IL17RD: variants seen among roughly 807,000 people sequenced by gnomAD.
The protein encoded by IL17RD is interleukin 17 receptor D.
Under a neutral mutation model 80.5 loss-of-function variants are expected in IL17RD, and 52 were observed. That is an observed-to-expected ratio of 0.65 (90% CI 0.52 to 0.81). IL17RD has a LOEUF of 0.81. Ranked by LOEUF, IL17RD falls within the 40% of genes least tolerant of loss-of-function variation. The pLI is 0.00. For missense variants in IL17RD, 1,024 were observed against 955.1 expected, an observed-to-expected ratio of 1.07 and a Z score of -0.95; for synonymous variants, 416 against 391.8, an observed-to-expected ratio of 1.06 and a Z score of -0.73.
chr3:57,098,621 G>C (rs1473023065), intron 11 of IL17RD, 83 bp from the exon 12 acceptor site: 1 of 900,332 alleles, frequency 1.1e-6, no homozygotes, highest in African/African-American at 1.7e-5. Flanking sequence ...GGAAATGTCA[G>C]AAGGAGGCCA....
At chr3:57,159,123 CTTT>C (rs34297266) in intron 1 of IL17RD, among the ~76,000 whole-genome samples, 1 of 144,288 alleles carries the variant, frequency 6.9e-6, no homozygotes, top group Non-Finnish European at 1.5e-5. Context: ...GATATCTCTT[CTTT>C]TTTTTTTTTT....
At position 57,097,953 on chromosome 3, in the gene IL17RD, A is replaced by G. The variant is rs772938669; in HGVS notation, c.1750T>C (p.Ser584Pro). Residue 584 changes from serine (S) to proline (P), a missense_variant, in exon 12 of 13, where the codon TCG becomes CCG. By Grantham distance (74) the Ser-to-Pro change is moderately conservative. Transcript: ENST00000296318. Reference protein sequence around the residue: ...YREPVLEKFDSGLVLNDVMCK... With the variant: ...YREPVLEKFDPGLVLNDVMCK... ...ATGACATCATTTAAAACCAAGCCCGAATCAAATTTCTCCAAGACTGGCTCC... is the reference window on the plus strand; with the variant it reads ...ATGACATCATTTAAAACCAAGCCCGGATCAAATTTCTCCAAGACTGGCTCC... 1 of 1,613,868 alleles carries G rather than the reference A, an allele frequency of 6.2e-7. No individual in the cohort carries two copies. The highest frequency in any genetic ancestry group is 1.3e-5 in the African/African-American group (1 of 74,908).
intron 1 of IL17RD, among the ~76,000 whole-genome samples, chr3:57,139,799 G>C (rs1293324344): frequency 6.6e-6 from 1 of 152,146 alleles, no homozygotes; most frequent in East Asian, 1.9e-4. Context: ...TTACAGGTGT[G>C]AGCCACCTCG....
At chr3:57,101,910 C>T (rs1164876674) in intron 10 of IL17RD, among the ~76,000 whole-genome samples, 2 of 152,132 alleles carry the variant, frequency 1.3e-5, no homozygotes, top group Non-Finnish European at 2.9e-5. Flanking sequence ...TACCTATATC[C>T]TTACTTATAC....
rs1707047671 is a variant in IL17RD at position 57,109,588 on chromosome 3, G to A, written c.499C>T (p.Pro167Ser). 6.2e-7 allele frequency: 1 copy of A among 1,613,564 alleles called. No individual in the cohort carries two copies. Among genetic ancestry groups the A allele is most frequent in the South Asian group, 1.1e-5 (1 of 91,068 alleles). ...TDYFVKVVPF[P>S]SIKNESNYHP... is the part of the protein sequence containing the mutation. ...TAATTGCTTTCGTTTTTAATGGAAGGAAAAGGGACAACCTTTACGAAATAA... is the reference window on the plus strand; with the variant it reads ...TAATTGCTTTCGTTTTTAATGGAAGAAAAAGGGACAACCTTTACGAAATAA... Residue 167 changes from proline (P) to serine (S), a missense_variant, in exon 5 of 13, where the codon CCT becomes TCT. Physicochemically the swap from Pro to Ser is moderately conservative, Grantham distance 74 (BLOSUM62 -1). Transcript: ENST00000296318.
At position 57,102,528 on chromosome 3, in the gene IL17RD, T is replaced by A. The variant is rs775461938; in HGVS notation, c.930A>T (p.Ile310=). ...AVAITVPLVV[I]SAFATLFTVM... Reference sequence around the variant, plus strand: ...CAGTGAAGAGCGTCGCGAATGCCGATATGACTACCAGTGGCACTGTGATGG... The same window carrying A: ...CAGTGAAGAGCGTCGCGAATGCCGAAATGACTACCAGTGGCACTGTGATGG... Residue 310 remains isoleucine, a synonymous_variant, in exon 10 of 13, where the codon ATA becomes ATT. Coordinates refer to ENST00000296318, the MANE Select transcript of IL17RD (RefSeq NM_017563.5). The A allele has an allele frequency of 4.9e-5, 77 of 1,578,144 alleles. No homozygotes were observed. Among genetic ancestry groups the A allele is most frequent in the Non-Finnish European group, 6.1e-5 (71 of 1,154,536 alleles).
At chr3:57,113,599 C>T (rs117043596) in intron 3 of IL17RD, among the ~76,000 whole-genome samples, 4 of 152,148 alleles carry the variant, frequency 2.6e-5, no homozygotes, top group East Asian at 1.9e-4. Context: ...TGCAGTGGCA[C>T]GATAATCATA....
In IL17RD at chr3:57,097,691, G is replaced by A. The variant is rs200787099; in HGVS notation, c.2012C>T (p.Ser671Leu). 1.6e-4 allele frequency: 249 copies of A among 1,606,346 alleles called. 5 individuals carry two copies. In the East Asian group the frequency reaches 2.8e-3, roughly 18 times the overall value. Residue 671 changes from serine to leucine, a missense_variant, in exon 12 of 13, where the codon TCA (serine) becomes TTA (leucine). Transcript: ENST00000296318. The stretch of plus-strand genomic sequence containing the variant: ...CATCAGTGGCAGAGACAGCTCGGAT[G>A]AGGGCACAGACGAGTCATAGATGCC... ...DSGIYDSSVP[S>L]SELSLPLMEG...
rs1311287153 is a variant in IL17RD at position 57,094,410 on chromosome 3, T to C, written c.*1983A>G. The C allele has an allele frequency of 1.2e-4, 18 of 152,202 alleles. No homozygotes were observed. Among genetic ancestry groups the C allele is most frequent in the Admixed American group, 1.2e-3 (18 of 15,282 alleles). The allele number at this position is 152,202 out of a possible 1,614,324, so 9.4% of individuals were successfully genotyped here. ...GATTTTTTAACTAGCACTCTCTTTT[T>C]CTCTTCCATTTTCTTAAGGAGTGAG... On this transcript the variant is annotated 3_prime_UTR_variant, in exon 13 of 13. Transcript: ENST00000296318.
chr3:57,163,802 A>AGGGGGGGGGGGGGG (rs1559489790), intron 1 of IL17RD, among the ~76,000 whole-genome samples: 3 of 7,378 alleles, frequency 4.1e-4, no homozygotes, highest in African/African-American at 1.3e-3. Flanking sequence ...GCGGGGGGGG[A>AGGGGGGGGGGGGGG]AGGGGGTGGC....
chr3:57,105,552 A>AAAAAAAAAAAAAAAAT, intron 7 of IL17RD, among the ~76,000 whole-genome samples: 942 of 63,348 alleles, frequency 0.015, 47 homozygotes, highest in Non-Finnish European at 0.02. Flanking sequence ...AAAAAAAAAA[A>AAAAAAAAAAAAAAAAT]ATATATATAT....
At chr3:57,144,799 G>A (rs779053066) in intron 1 of IL17RD, among the ~76,000 whole-genome samples, 8 of 152,234 alleles carry the variant, frequency 5.3e-5, no homozygotes, top group African/African-American at 9.6e-5. Context: ...TGGGTGGGGC[G>A]GGGCTCAGCC....
In IL17RD at chr3:57,106,171, G is replaced by C. The variant is rs181087644; in HGVS notation, c.551-17C>G. On this transcript the variant is annotated splice_polypyrimidine_tract_variant and intron_variant, in intron 5 of 12. Coordinates refer to ENST00000296318, the MANE Select transcript of IL17RD (RefSeq NM_017563.5). Reference sequence around the variant, plus strand: ...GGTCACAGGCTATTAAGAGAATAAAGATACATGTTTTTAGTTTTAGGACAG... The same window carrying C: ...GGTCACAGGCTATTAAGAGAATAAACATACATGTTTTTAGTTTTAGGACAG... 4.4e-5 allele frequency: 70 copies of C among 1,599,562 alleles called. No homozygotes were observed. In the African/African-American group the frequency reaches 7.5e-4, roughly 17 times the overall value.
intron 1 of IL17RD, among the ~76,000 whole-genome samples, chr3:57,160,466 C>G (rs146477000): frequency 4.8e-4 from 73 of 152,168 alleles, no homozygotes; most frequent in South Asian, 3.9e-3. Context: ...TCAGACAAAC[C>G]CAGCTGTTCT....
chr3:57,127,927 C>A (rs1707529525), intron 1 of IL17RD, among the ~76,000 whole-genome samples: 1 of 152,162 alleles, frequency 6.6e-6, no homozygotes, highest in South Asian at 2.1e-4. Context: ...TCAGTTCAAA[C>A]CTTTAACAAC....
Position 57,101,361 on chromosome 3 carries a change from T to A in IL17RD, c.982A>T (p.Asn328Tyr), listed in dbSNP as rs777916403. 3.2e-6 allele frequency: 5 copies of A among 1,575,136 alleles called. No individual in the cohort carries two copies. The Admixed American group carries it at 8.8e-5, about 28-fold the overall frequency. Residue 328 changes from asparagine (N) to tyrosine (Y), a missense_variant and splice_region_variant, in exon 11 of 13, where the codon AAT becomes TAT. Transcript: ENST00000296318. ...TVMCRKKQQENIYSHLDEESS... is the reference protein window; with the variant it reads ...TVMCRKKQQEYIYSHLDEESS... ...TCTTCATCTAAATGTGAATATATAT[T>A]TTCTAAATTGGAAAAGAAGATAAGG...
chr3:57,162,544 C>T (rs958965044), intron 1 of IL17RD, among the ~76,000 whole-genome samples: 2 of 152,132 alleles, frequency 1.3e-5, no homozygotes, highest in African/African-American at 4.8e-5. Flanking sequence ...AAGACATGAC[C>T]TAGGGAGGTG....
chr3:57,148,312 G>A lies in IL17RD; in HGVS notation c.126+16849C>T, dbSNP rs1250911732. On this transcript the variant is annotated intron_variant, in intron 1 of 12. Coordinates refer to ENST00000296318, the MANE Select transcript of IL17RD (RefSeq NM_017563.5). Reference sequence around the variant, plus strand: ...TGCACTCCAGCCTGGGCAACAGAGCGAGACTCTATCTCAAAAAAAAAAAAA... The same window carrying A: ...TGCACTCCAGCCTGGGCAACAGAGCAAGACTCTATCTCAAAAAAAAAAAAA... Among the ~76,000 whole-genome samples, 10 of 143,332 alleles carry A rather than the reference G, an allele frequency of 7.0e-5. No homozygotes were observed. The East Asian group carries it at 1.8e-3, about 26-fold the overall frequency. 94.0% of individuals were successfully genotyped at this position (143,332 alleles called of 152,430 possible).
At chr3:57,144,379 C>T (rs1472710903) in intron 1 of IL17RD, among the ~76,000 whole-genome samples, 1 of 152,216 alleles carries the variant, frequency 6.6e-6, no homozygotes, top group Non-Finnish European at 1.5e-5. Context: ...GTGTCACAGA[C>T]CCTGTGGAGG....
Sources: gnomAD v4.1 joint callset for allele counts (sites outside exome capture counted in the v4.1 genomes callset) on GRCh38, gnomAD v4.1.1 for gene constraint, MANE v1.5 for transcripts, NCBI Gene and HGNC (gene_info 2026-07-23, HGNC 2026-07-21) for gene names.